Variants in BMAL1 observed in about 807,000 individuals in gnomAD.
BMAL1 encodes basic helix-loop-helix ARNT like 1, also known as basic helix-loop-helix ARNT-like protein 1.
chr11:13,368,340 A>G, the BMAL1 span, among the ~76,000 whole-genome samples: 2 of 152,228 alleles, frequency 1.3e-5, no homozygotes, highest in African/African-American at 4.8e-5. Flanking sequence ...TTTGCCAGGT[A>G]ATGAAGGGAG....
At chr11:13,324,741 A>G in the BMAL1 span, among the ~76,000 whole-genome samples, 1 of 152,216 alleles carries the variant, frequency 6.6e-6, no homozygotes, top group Non-Finnish European at 1.5e-5. Flanking sequence ...CCTGGCACAC[A>G]GTGGGTGATC....
At chr11:13,360,779 A>AT in the BMAL1 span, among the ~76,000 whole-genome samples, 1 of 152,214 alleles carries the variant, frequency 6.6e-6, no homozygotes, top group Non-Finnish European at 1.5e-5. Context: ...TCTTCACCTG[A>AT]TTTAACCACT....
the BMAL1 span, among the ~76,000 whole-genome samples, chr11:13,297,829 C>T: frequency 1.3e-5 from 2 of 152,188 alleles, no homozygotes; most frequent in Non-Finnish European, 2.9e-5. Context: ...GCTCATGGAA[C>T]CTACTGCATG....
the BMAL1 span, among the ~76,000 whole-genome samples, chr11:13,306,900 G>A: frequency 6.6e-6 from 1 of 152,232 alleles, no homozygotes; most frequent in Admixed American, 6.5e-5. Context: ...ACTGCAGACA[G>A]GCTGCCCTGC....
the BMAL1 span, among the ~76,000 whole-genome samples, chr11:13,336,789 A>T: frequency 2.0e-5 from 3 of 152,224 alleles, no homozygotes; most frequent in Admixed American, 6.5e-5. Context: ...CCAGTGTCAG[A>T]TGCTGCCTTG....
chr11:13,301,211 A>T, the BMAL1 span, among the ~76,000 whole-genome samples: 1 of 152,218 alleles, frequency 6.6e-6, no homozygotes, highest in Non-Finnish European at 1.5e-5. Flanking sequence ...TTGGGATTAC[A>T]GGCATGAGCC....
chr11:13,348,943 G>A, the BMAL1 span, among the ~76,000 whole-genome samples: 1 of 152,190 alleles, frequency 6.6e-6, no homozygotes, highest in East Asian at 1.9e-4. Flanking sequence ...AGAAAGGTCA[G>A]GAAAGCCCCG....
At chr11:13,279,059 C>T in the BMAL1 span, among the ~76,000 whole-genome samples, 5 of 152,176 alleles carry the variant, frequency 3.3e-5, no homozygotes, top group Admixed American at 2.0e-4. Flanking sequence ...GAGAGACCCG[C>T]TGCCGCCGCG....
the BMAL1 span, chr11:13,366,546 G>GT: frequency 1.1e-6 from 1 of 887,184 alleles, no homozygotes; most frequent in Non-Finnish European, 1.8e-6. Flanking sequence ...CATAGGAAAA[G>GT]TTTGAGGTCT....
chr11:13,384,899 A>G, the BMAL1 span, among the ~76,000 whole-genome samples: 4 of 152,216 alleles, frequency 2.6e-5, no homozygotes, highest in South Asian at 2.1e-4. Context: ...TACATAAGCA[A>G]AAGTTCTTTG....
chr11:13,328,346 T>G, the BMAL1 span, among the ~76,000 whole-genome samples: 1 of 152,028 alleles, frequency 6.6e-6, no homozygotes, highest in South Asian at 2.1e-4. Flanking sequence ...AAAATGCTTG[T>G]TTTTTTTCCT....
chr11:13,384,257 TA>T, the BMAL1 span, among the ~76,000 whole-genome samples: 1 of 152,244 alleles, frequency 6.6e-6, no homozygotes. Flanking sequence ...GAGATCTTCC[TA>T]AAACTTAAAA....
the BMAL1 span, among the ~76,000 whole-genome samples, chr11:13,295,585 G>T: frequency 6.6e-6 from 1 of 152,150 alleles, no homozygotes; most frequent in Non-Finnish European, 1.5e-5. Context: ...GTCTGGACCA[G>T]CCTGGGGCCT....
chr11:13,366,181 T>A, the BMAL1 span, among the ~76,000 whole-genome samples: 2 of 152,208 alleles, frequency 1.3e-5, no homozygotes, highest in African/African-American at 4.8e-5. Flanking sequence ...AAAATGACAT[T>A]TATGTAAATT....
At chr11:13,294,942 C>T in the BMAL1 span, among the ~76,000 whole-genome samples, 5 of 152,308 alleles carry the variant, frequency 3.3e-5, no homozygotes, top group East Asian at 9.7e-4. Flanking sequence ...CATTGCTGCC[C>T]TTGTCCCTGT....
At chr11:13,375,601 T>A in the BMAL1 span, 1 of 1,554,002 alleles carries the variant, frequency 6.4e-7, no homozygotes, top group Non-Finnish European at 8.7e-7. Flanking sequence ...ATGTTTTCTT[T>A]ACATTTTCAG....
chr11:13,304,033 A>G, the BMAL1 span, among the ~76,000 whole-genome samples: 1 of 152,216 alleles, frequency 6.6e-6, no homozygotes, highest in East Asian at 1.9e-4. Flanking sequence ...AGATGAGGGC[A>G]TGGAGTTGTG....
chr11:13,323,775 C>G, the BMAL1 span, among the ~76,000 whole-genome samples: 1 of 152,128 alleles, frequency 6.6e-6, no homozygotes. Flanking sequence ...CGCTACCACT[C>G]CTGGCTAATT....
chr11:13,278,416 C>T, the BMAL1 span, among the ~76,000 whole-genome samples: 1 of 152,222 alleles, frequency 6.6e-6, no homozygotes, highest in East Asian at 1.9e-4. Flanking sequence ...GTGGCTGCCC[C>T]TCAAGGGCGT....
Sources: allele counts gnomAD v4.1 joint callset (sites outside exome capture counted in the v4.1 genomes callset), GRCh38; gene constraint gnomAD v4.1.1; transcripts MANE v1.5; gene names NCBI Gene and HGNC (gene_info 2026-07-23, HGNC 2026-07-21).